The following RAPGEF6 variants were observed in gnomAD, a reference collection of about 807,000 sequenced individuals.
The protein encoded by RAPGEF6 is PDZ domain containing guanine nucleotide exchange factor (GEF) 2.
In RAPGEF6, 56 loss-of-function variants were observed where a neutral mutation model predicts 171.4. The observed-to-expected ratio is 0.33, with a 90% CI of 0.26 to 0.41. RAPGEF6 has a LOEUF of 0.41. RAPGEF6 is among the 10% of genes least tolerant of loss of function. The pLI is 1.00. For synonymous variants in RAPGEF6, 692 were observed against 650.1 expected (o/e 1.06, Z -0.98); for missense variants, 1,674 against 1,921.4 (o/e 0.87, Z 2.41).
intron 7 of RAPGEF6, among the ~76,000 whole-genome samples, chr5:131,518,251 A>AT (rs1227683157): frequency 2.6e-5 from 4 of 151,960 alleles, no homozygotes; most frequent in African/African-American, 4.8e-5. Flanking sequence ...AGATATAAAA[A>AT]ATATATAAGT....
Position 131,635,187 on chromosome 5 carries a change from G to C in RAPGEF6, c.-157C>G, listed in dbSNP as rs1007558873. ...TAGCAAACAACCCTTCGCAACGCCC[G>C]CCTAAGGCCTCTACCCACGCGCGAC... is the stretch of plus-strand genomic sequence containing the variant. On this transcript the variant is annotated 5_prime_UTR_variant, in exon 1 of 28. Transcript: ENST00000509018. 2.7e-6 allele frequency: 2 copies of C among 728,672 alleles called. No homozygotes were observed. Among genetic ancestry groups the C allele is most frequent in the East Asian group, 2.9e-5 (1 of 34,618 alleles). 45.1% of individuals were successfully genotyped at this position (728,672 alleles called of 1,614,324 possible). A position where few individuals can be genotyped will look rare whatever the true frequency, so the allele number is the denominator to read the frequency against.
At chr5:131,630,633 C>A (rs1323558367) in intron 1 of RAPGEF6, among the ~76,000 whole-genome samples, 2 of 152,214 alleles carry the variant, frequency 1.3e-5, no homozygotes, top group South Asian at 2.1e-4. Context: ...ATCTCTCACA[C>A]ACACACTGTG....
chr5:131,609,610 A>G (rs1753661590), intron 1 of RAPGEF6, among the ~76,000 whole-genome samples: 1 of 152,200 alleles, frequency 6.6e-6, no homozygotes, highest in East Asian at 1.9e-4. Context: ...TCCACTTATC[A>G]AGGTCTGTCT....
At chr5:131,499,357 G>A (rs1756857593) in intron 11 of RAPGEF6, among the ~76,000 whole-genome samples, 1 of 152,196 alleles carries the variant, frequency 6.6e-6, no homozygotes, top group East Asian at 1.9e-4. Context: ...AAGGAGAGCA[G>A]AACACCTGAG....
At chr5:131,528,742 A>C (rs1759159532) in intron 6 of RAPGEF6, among the ~76,000 whole-genome samples, 1 of 152,120 alleles carries the variant, frequency 6.6e-6, no homozygotes, top group African/African-American at 2.4e-5. Flanking sequence ...ACAGGCAAGG[A>C]AATCAGGGCA....
intron 14 of RAPGEF6, among the ~76,000 whole-genome samples, chr5:131,490,762 TA>T (rs1756225876): frequency 6.6e-6 from 1 of 152,150 alleles, no homozygotes; most frequent in Non-Finnish European, 1.5e-5. Flanking sequence ...AAAAAAGTAC[TA>T]AAAGAAGTAC....
chr5:131,434,369 T>C (rs750591556), intron 24 of RAPGEF6, among the ~76,000 whole-genome samples: 33 of 152,180 alleles, frequency 2.2e-4, no homozygotes, highest in South Asian at 4.1e-4. Flanking sequence ...CAGCCCCAAG[T>C]AGCTGGGACT....
intron 4 of RAPGEF6, among the ~76,000 whole-genome samples, chr5:131,591,781 A>G (rs1342012020): frequency 1.3e-5 from 2 of 152,208 alleles, no homozygotes; most frequent in Non-Finnish European, 2.9e-5. Context: ...CTTAACTATT[A>G]TATCACCTCT....
intron 15 of RAPGEF6, among the ~76,000 whole-genome samples, chr5:131,489,290 C>T (rs762420295): frequency 4.6e-5 from 7 of 152,160 alleles, no homozygotes; most frequent in African/African-American, 1.7e-4. Context: ...ACATAATACA[C>T]GCTCCATAGG....
chr5:131,594,256 T>G (rs1580642819), intron 3 of RAPGEF6, among the ~76,000 whole-genome samples: 1 of 152,230 alleles, frequency 6.6e-6, no homozygotes, highest in Non-Finnish European at 1.5e-5. Context: ...TTTAAAACTG[T>G]GTGGCCAAAA....
chr5:131,635,019 G>A lies in RAPGEF6; in HGVS notation c.12C>T (p.Pro4=), dbSNP rs756438671. 64 of 1,611,838 alleles carry A rather than the reference G, an allele frequency of 4.0e-5. No homozygotes were observed. Among genetic ancestry groups the A allele is most frequent in the Non-Finnish European group, 5.3e-5 (63 of 1,178,424 alleles). The change falls in exon 1 of 28, where the codon CCC becomes CCT. Residue 4 remains proline, a synonymous_variant. Transcript: ENST00000509018. ...ACGCCTGCCTAGCGCCAGGGTCCAC[G>A]GGTGAGTTCATGGCCACGGCCCGGG... The part of the protein sequence containing the change: MNS[P]VDPGARQALR...
At chr5:131,466,330 T>C (rs531152079) in intron 17 of RAPGEF6, among the ~76,000 whole-genome samples, 42 of 151,658 alleles carry the variant, frequency 2.8e-4, no homozygotes, top group African/African-American at 9.2e-4. Context: ...CTTGTTCAGA[T>C]TTCATTCTGA....
intron 7 of RAPGEF6, among the ~76,000 whole-genome samples, chr5:131,516,577 G>A (rs887640717): frequency 3.9e-5 from 6 of 152,154 alleles, no homozygotes; most frequent in Non-Finnish European, 8.8e-5. Flanking sequence ...GGATAAATGT[G>A]TGTCTGGAGT....
In RAPGEF6 at chr5:131,551,659, AT is replaced by A. The variant is rs1228235913; in HGVS notation, c.352-3470del. Among the ~76,000 whole-genome samples, 6 of 152,198 alleles carry A rather than the reference AT, an allele frequency of 3.9e-5. No homozygotes were observed. In the East Asian group the frequency reaches 1.2e-3, roughly 29 times the overall value. On this transcript the variant is annotated intron_variant, in intron 5 of 27. Coordinates refer to ENST00000509018, the MANE Select transcript of RAPGEF6 (RefSeq NM_016340.6). ...TTAGACAAAAGTCCAATATTACATGATTCTTAGGTCTTTTACTATCTACCAC... is the reference window on the plus strand; with the variant it reads ...TTAGACAAAAGTCCAATATTACATGATCTTAGGTCTTTTACTATCTACCAC...
chr5:131,562,074 T>C (rs1428362514), intron 4 of RAPGEF6, 27 bp from the exon 5 acceptor site: 2 of 1,440,374 alleles, frequency 1.4e-6, no homozygotes, highest in Non-Finnish European at 9.5e-7. Context: ...ACAATTTCTT[T>C]AGCAAAGGTT....
chr5:131,435,840 T>C (rs1751975251), intron 24 of RAPGEF6: 25 of 1,422,034 alleles, frequency 1.8e-5, no homozygotes, highest in Non-Finnish European at 2.3e-5. Context: ...TGTTTATAAA[T>C]AGTATTTTAC....
intron 26 of RAPGEF6, 46 bp downstream of exon 26, chr5:131,430,813 G>A (rs771863566): frequency 6.3e-7 from 1 of 1,578,920 alleles, no homozygotes; most frequent in Non-Finnish European, 8.6e-7. Flanking sequence ...GCCATTTTTT[G>A]ACTACTTAAT....
At chr5:131,474,130 G>T (rs1376197456) in intron 16 of RAPGEF6, among the ~76,000 whole-genome samples, 1 of 152,126 alleles carries the variant, frequency 6.6e-6, no homozygotes, top group Non-Finnish European at 1.5e-5. Context: ...AGGAAAACAG[G>T]ACTTTAATTC....
At chr5:131,602,186 ACAT>A (rs1471315360) in intron 3 of RAPGEF6, among the ~76,000 whole-genome samples, 1 of 152,218 alleles carries the variant, frequency 6.6e-6, no homozygotes, top group Non-Finnish European at 1.5e-5. Flanking sequence ...CATCATGCTA[ACAT>A]CATAGAGTGT....
Sources: allele counts gnomAD v4.1 joint callset (sites outside exome capture counted in the v4.1 genomes callset), GRCh38; gene constraint gnomAD v4.1.1; transcripts MANE v1.5; gene names NCBI Gene and HGNC (gene_info 2026-07-23, HGNC 2026-07-21).